The following NEGR1 variants were observed in gnomAD, a reference collection of about 807,000 sequenced individuals.
NEGR1 encodes the protein neuronal growth regulator 1.
NEGR1 carries 10 observed loss-of-function variants against 40.9 expected under a neutral mutation model. That is an observed-to-expected ratio of 0.24 (90% CI 0.15 to 0.42). The LOEUF (loss-of-function observed/expected upper bound fraction) is 0.42. Ranked by LOEUF, NEGR1 falls within the 10% of genes least tolerant of loss-of-function variation. The probability of loss-of-function intolerance (pLI) is 1.00; values close to 1 mark genes in which losing one functional copy is unlikely to be tolerated. For missense variants in NEGR1, 352 were observed against 438.9 expected, an observed-to-expected ratio of 0.80 and a Z score of 1.77; for synonymous variants, 185 against 166.8, an observed-to-expected ratio of 1.11 and a Z score of -0.84.
At chr1:71,925,138 C>A (rs1244440347) in intron 2 of NEGR1, among the ~76,000 whole-genome samples, 1 of 152,140 alleles carries the variant, frequency 6.6e-6, no homozygotes, top group Non-Finnish European at 1.5e-5. Flanking sequence ...GACTTGAGAT[C>A]TTTCTTGGAG....
At chr1:71,920,373 C>T (rs756660374) in intron 2 of NEGR1, among the ~76,000 whole-genome samples, 1 of 152,104 alleles carries the variant, frequency 6.6e-6, no homozygotes, top group South Asian at 2.1e-4. Flanking sequence ...TTACTATATA[C>T]CCTAAGAGTA....
intron 2 of NEGR1, among the ~76,000 whole-genome samples, chr1:71,886,067 C>T (rs545619418): frequency 1.3e-5 from 2 of 152,260 alleles, no homozygotes; most frequent in African/African-American, 4.8e-5. Context: ...AAAAGACTAT[C>T]AACCATTAAT....
chr1:72,108,518 G>T (rs1649223137), intron 1 of NEGR1, among the ~76,000 whole-genome samples: 1 of 151,336 alleles, frequency 6.6e-6, no homozygotes, highest in Admixed American at 6.6e-5. Context: ...ATATCAAAAT[G>T]ACTCATCATA....
chr1:71,940,647 G>C (rs929707633), intron 1 of NEGR1, among the ~76,000 whole-genome samples: 3 of 152,200 alleles, frequency 2.0e-5, no homozygotes, highest in African/African-American at 7.2e-5. Context: ...CATTAGGCAG[G>C]TCTCTGTTTT....
chr1:71,476,555 A>C (rs1646822153), intron 6 of NEGR1, among the ~76,000 whole-genome samples: 1 of 152,022 alleles, frequency 6.6e-6, no homozygotes, highest in Non-Finnish European at 1.5e-5. Flanking sequence ...CAACCATGTG[A>C]TTTAGGCTGT....
intron 6 of NEGR1, among the ~76,000 whole-genome samples, chr1:71,520,974 C>A (rs1206696427): frequency 6.6e-6 from 1 of 152,002 alleles, no homozygotes; most frequent in African/African-American, 2.4e-5. Flanking sequence ...TCTGTGTTTG[C>A]ATGAGATCCA....
chr1:71,980,146 C>A (rs1490379203), intron 1 of NEGR1, among the ~76,000 whole-genome samples: 1 of 151,950 alleles, frequency 6.6e-6, no homozygotes, highest in Non-Finnish European at 1.5e-5. Flanking sequence ...GAAATAGCCA[C>A]AAGAGTTACA....
chr1:71,503,080 G>C (rs1647009725), intron 6 of NEGR1, among the ~76,000 whole-genome samples: 1 of 152,178 alleles, frequency 6.6e-6, no homozygotes, highest in Non-Finnish European at 1.5e-5. Flanking sequence ...GTCTGTTGGG[G>C]AGAATGCTGC....
intron 6 of NEGR1, among the ~76,000 whole-genome samples, chr1:71,561,891 A>C (rs1268523864): frequency 6.7e-6 from 1 of 149,272 alleles, no homozygotes; most frequent in African/African-American, 2.5e-5. Context: ...TGAATCACTG[A>C]GATGTAGGAG....
chr1:71,937,471 G>T (rs114469752), intron 1 of NEGR1, among the ~76,000 whole-genome samples: 1 of 152,056 alleles, frequency 6.6e-6, no homozygotes, highest in African/African-American at 2.4e-5. Context: ...TATGGCCTTC[G>T]TATGTTTTTC....
intron 3 of NEGR1, among the ~76,000 whole-genome samples, chr1:71,720,386 C>T (rs368632844): frequency 5.9e-5 from 9 of 152,280 alleles, no homozygotes; most frequent in Admixed American, 5.2e-4. Context: ...ACGAGCCATA[C>T]ATATGCATGG....
chr1:71,841,276 A>C (rs1044623001), intron 2 of NEGR1, among the ~76,000 whole-genome samples: 1 of 152,128 alleles, frequency 6.6e-6, no homozygotes, highest in Non-Finnish European at 1.5e-5. Context: ...TTACATATAA[A>C]TCTATTTTAT....
intron 5 of NEGR1, among the ~76,000 whole-genome samples, chr1:71,599,154 T>C (rs956313075): frequency 6.6e-6 from 1 of 152,234 alleles, no homozygotes; most frequent in Non-Finnish European, 1.5e-5. Context: ...TAAAAATATT[T>C]AATGTGTAAT....
chr1:71,871,932 T>C (rs1660290527), intron 2 of NEGR1, among the ~76,000 whole-genome samples: 1 of 152,196 alleles, frequency 6.6e-6, no homozygotes, highest in African/African-American at 2.4e-5. Flanking sequence ...TTATGGGAAG[T>C]ATTATTCACA....
intron 4 of NEGR1, among the ~76,000 whole-genome samples, chr1:71,634,275 T>C (rs558007511): frequency 2.6e-5 from 4 of 152,156 alleles, no homozygotes; most frequent in African/African-American, 9.6e-5. Context: ...AGATGAGCCA[T>C]CTCTGATCTT....
intron 2 of NEGR1, among the ~76,000 whole-genome samples, chr1:71,929,064 A>G (rs139888326): frequency 1.4e-4 from 21 of 152,228 alleles, no homozygotes; most frequent in Non-Finnish European, 2.4e-4. Context: ...ATAGAGAGCA[A>G]ATAATAAGCA....
At chr1:71,634,672 C>G (rs1445013282) in intron 4 of NEGR1, among the ~76,000 whole-genome samples, 1 of 152,074 alleles carries the variant, frequency 6.6e-6, no homozygotes, top group African/African-American at 2.4e-5. Context: ...CTTGGAAACA[C>G]GAGGCCTGTC....
At chr1:72,215,361 A>T (rs1653761349) in intron 1 of NEGR1, among the ~76,000 whole-genome samples, 1 of 152,182 alleles carries the variant, frequency 6.6e-6, no homozygotes, top group African/African-American at 2.4e-5. Flanking sequence ...CAAAATTGAA[A>T]AATGGTATCT....
At chr1:71,471,583 A>T (rs756483577) in intron 6 of NEGR1, among the ~76,000 whole-genome samples, 9 of 152,106 alleles carry the variant, frequency 5.9e-5, no homozygotes, top group East Asian at 1.9e-4. Flanking sequence ...GAAGCAGAAG[A>T]TGCAGTAAGC....
Sources: allele counts gnomAD v4.1 joint callset (sites outside exome capture counted in the v4.1 genomes callset), GRCh38; gene constraint gnomAD v4.1.1; transcripts MANE v1.5; gene names NCBI Gene and HGNC (gene_info 2026-07-23, HGNC 2026-07-21).